R3HCC1L: variants seen among roughly 807,000 people sequenced by gnomAD.
The protein encoded by R3HCC1L is R3H domain and coiled-coil containing 1 like, also known as coiled-coil domain-containing protein R3HCC1L.
In R3HCC1L, 51 loss-of-function variants were observed where a neutral mutation model predicts 59.9. The observed-to-expected ratio is 0.85, with a 90% CI of 0.68 to 1.07. The LOEUF is 1.07. Ranked by LOEUF, R3HCC1L falls within the 50% of genes least tolerant of loss-of-function variation. The pLI is 0.00. For missense variants in R3HCC1L, 965 were observed against 933.0 expected, an observed-to-expected ratio of 1.03 and a Z score of -0.45; for synonymous variants, 322 against 315.2, an observed-to-expected ratio of 1.02 and a Z score of -0.23.
At chr10:98,221,997 C>A (rs894540056) in intron 5 of R3HCC1L, among the ~76,000 whole-genome samples, 1 of 152,288 alleles carries the variant, frequency 6.6e-6, no homozygotes, top group East Asian at 1.9e-4. Context: ...GATATTGATT[C>A]TTCCTACCCA....
chr10:98,174,752 A>C (rs1289815406), intron 4 of R3HCC1L: 4 of 983,026 alleles, frequency 4.1e-6, no homozygotes, highest in Non-Finnish European at 3.6e-6. Flanking sequence ...AATCATGGAA[A>C]ATCTTAAATG....
chr10:98,184,304 A>G (rs944871241), intron 4 of R3HCC1L, among the ~76,000 whole-genome samples: 1 of 152,158 alleles, frequency 6.6e-6, no homozygotes, highest in Non-Finnish European at 1.5e-5. Context: ...CCACATAACA[A>G]TGTTTTGGTC....
At chr10:98,212,186 G>T (rs1853659774) in intron 5 of R3HCC1L, among the ~76,000 whole-genome samples, 1 of 152,108 alleles carries the variant, frequency 6.6e-6, no homozygotes, top group African/African-American at 2.4e-5. Flanking sequence ...GTTATTAAAA[G>T]ATGTCACAAA....
chr10:98,183,877 C>T (rs1253036671), intron 4 of R3HCC1L, among the ~76,000 whole-genome samples: 1 of 151,516 alleles, frequency 6.6e-6, no homozygotes, highest in African/African-American at 2.4e-5. Context: ...CGTATAAATT[C>T]CGTGTTTGAT....
intron 9 of R3HCC1L, among the ~76,000 whole-genome samples, chr10:98,241,727 A>G (rs1042400475): frequency 1.3e-5 from 2 of 151,896 alleles, no homozygotes; most frequent in African/African-American, 2.4e-5. Flanking sequence ...TCCCTTGTAG[A>G]TATTTTCAGA....
intron 4 of R3HCC1L, among the ~76,000 whole-genome samples, chr10:98,180,705 T>A (rs1849539972): frequency 6.6e-6 from 1 of 152,176 alleles, no homozygotes. Context: ...TGTAGGTCTC[T>A]AAGTACTTGC....
chr10:98,144,837 G>T (rs1845506759), intron 1 of R3HCC1L, among the ~76,000 whole-genome samples: 1 of 152,200 alleles, frequency 6.6e-6, no homozygotes, highest in South Asian at 2.1e-4. Flanking sequence ...TAGGCCTAAT[G>T]GAGGAGAAGG....
At chr10:98,198,402 G>C (rs1851683985) in intron 4 of R3HCC1L, among the ~76,000 whole-genome samples, 1 of 152,030 alleles carries the variant, frequency 6.6e-6, no homozygotes, top group Admixed American at 6.6e-5. Context: ...TCTTAGTTTT[G>C]CCAGTTTGCA....
chr10:98,202,744 C>T (rs1852194413), intron 4 of R3HCC1L, among the ~76,000 whole-genome samples: 2 of 151,896 alleles, frequency 1.3e-5, no homozygotes, highest in South Asian at 4.2e-4. Context: ...CCCAGCTACT[C>T]ACTTGGGAGA....
chr10:98,211,249 A>G, intron 5 of R3HCC1L: 1 of 1,116,912 alleles, frequency 9.0e-7, no homozygotes, highest in South Asian at 1.4e-5. Flanking sequence ...TCACCTAGGA[A>G]CTTGTTAGAA....
chr10:98,140,917 C>CTA (rs1273401755), intron 1 of R3HCC1L, among the ~76,000 whole-genome samples: 1 of 151,826 alleles, frequency 6.6e-6, no homozygotes, highest in African/African-American at 2.4e-5. Context: ...ATATAACTTA[C>CTA]TATAGAAAAC....
chr10:98,148,761 T>TAA (rs1845891373), intron 1 of R3HCC1L, among the ~76,000 whole-genome samples: 1 of 152,198 alleles, frequency 6.6e-6, no homozygotes, highest in Non-Finnish European at 1.5e-5. Context: ...ATTATCTTTT[T>TAA]AATGTGTTGT....
At chr10:98,152,338 CA>C (rs1846268303) in intron 1 of R3HCC1L, among the ~76,000 whole-genome samples, 1 of 151,862 alleles carries the variant, frequency 6.6e-6, no homozygotes, top group Admixed American at 6.6e-5. Flanking sequence ...CTTGGCCTCC[CA>C]AAGTGCTGAG....
intron 5 of R3HCC1L, among the ~76,000 whole-genome samples, chr10:98,226,781 ATCTAC>A (rs1417310466): frequency 6.6e-6 from 1 of 152,220 alleles, no homozygotes; most frequent in Admixed American, 6.5e-5. Context: ...GTTAACACTA[ATCTAC>A]TCTAGACGTT....
intron 1 of R3HCC1L, 135 bp from the exon 2 acceptor site, chr10:98,155,958 C>T (rs1846820973): frequency 1.3e-5 from 2 of 152,062 alleles, no homozygotes; most frequent in Non-Finnish European, 2.9e-5. Context: ...ATTTACATTA[C>T]TATGCCTGTG....
At chr10:98,171,439 T>C (rs1474642602) in intron 4 of R3HCC1L, among the ~76,000 whole-genome samples, 2 of 152,156 alleles carry the variant, frequency 1.3e-5, no homozygotes, top group African/African-American at 4.8e-5. Context: ...GCTCTAGATG[T>C]TGTTAAGGCA....
At chr10:98,189,293 A>G (rs1432795800) in intron 4 of R3HCC1L, among the ~76,000 whole-genome samples, 2 of 152,202 alleles carry the variant, frequency 1.3e-5, no homozygotes, top group Non-Finnish European at 2.9e-5. Context: ...TGTGCATTGC[A>G]TATGGGGTGA....
chr10:98,186,107 C>A (rs904132327), intron 4 of R3HCC1L, among the ~76,000 whole-genome samples: 2 of 152,090 alleles, frequency 1.3e-5, no homozygotes, highest in Non-Finnish European at 2.9e-5. Context: ...TCCTTCTTTC[C>A]AGAGGGAGAG....
At chr10:98,206,184 G>T (rs760034374) in intron 4 of R3HCC1L, among the ~76,000 whole-genome samples, 2 of 152,008 alleles carry the variant, frequency 1.3e-5, no homozygotes, top group East Asian at 3.9e-4. Flanking sequence ...TCTAGACTCT[G>T]TAATCTAAGA....
Sources: allele counts gnomAD v4.1 joint callset (sites outside exome capture counted in the v4.1 genomes callset), GRCh38; gene constraint gnomAD v4.1.1; transcripts MANE v1.5; gene names NCBI Gene and HGNC (gene_info 2026-07-23, HGNC 2026-07-21).